Variants in MYO9A observed in about 807,000 individuals in gnomAD.
The protein encoded by MYO9A is unconventional myosin-IXa.
MYO9A carries 103 observed loss-of-function variants against 293.3 expected under a neutral mutation model. The ratio of observed to expected loss-of-function variants is 0.35; its 90% CI spans 0.30 to 0.41. MYO9A has a LOEUF of 0.41. Ranked by LOEUF, MYO9A falls within the 10% of genes least tolerant of loss-of-function variation. The pLI, the probability that MYO9A is intolerant of heterozygous loss-of-function variation, is 1.00. For synonymous variants in MYO9A, 1,001 were observed against 1,035.7 expected (o/e 0.97, Z 0.64); for missense variants, 2,685 against 3,033.0 (o/e 0.89, Z 2.69).
rs1023576002 is a variant in MYO9A at position 72,092,672 on chromosome 15, G to T, written c.-72+25008C>A. The stretch of plus-strand genomic sequence containing the variant: ...CCAATCAGCTCTGCTGTTGTAGCAT[G>T]AAAACAGCCACAGACAATACATAAA... On this transcript the variant is annotated intron_variant, in intron 1 of 41. Coordinates refer to ENST00000356056, the MANE Select transcript of MYO9A (RefSeq NM_006901.4). 4.6e-5 allele frequency among the ~76,000 whole-genome samples: 7 copies of T among 152,294 alleles called. No individual in the cohort carries two copies. The South Asian group carries it at 1.0e-3, about 23-fold the overall frequency.
Position 71,827,059 on chromosome 15 carries a change from G to T in MYO9A, c.7184-16C>A, listed in dbSNP as rs1376033293. 1 of 1,523,216 alleles carries T rather than the reference G, an allele frequency of 6.6e-7. No homozygotes were observed. Among genetic ancestry groups the T allele is most frequent in the South Asian group, 1.3e-5 (1 of 77,658 alleles). 94.4% of individuals were successfully genotyped at this position (1,523,216 alleles called of 1,614,324 possible). A position where few individuals can be genotyped will look rare whatever the true frequency, so the allele number is the denominator to read the frequency against. ...AAGCTTCTTTCTAATGCAAAAAAGA[G>T]ACCAAAGATGTAAATGACAGTGCCC... On this transcript the variant is annotated splice_polypyrimidine_tract_variant and intron_variant, in intron 41 of 41. Coordinates refer to ENST00000356056, the MANE Select transcript of MYO9A (RefSeq NM_006901.4).
At chr15:72,112,739 A>G (rs890674507) in intron 1 of MYO9A, among the ~76,000 whole-genome samples, 2 of 152,254 alleles carry the variant, frequency 1.3e-5, no homozygotes, top group South Asian at 4.1e-4. Flanking sequence ...CCTATATGTT[A>G]AAGGGTTTCC....
chr15:71,897,221 C>G, intron 25 of MYO9A: 1 of 484,274 alleles, frequency 2.1e-6, no homozygotes, highest in Non-Finnish European at 3.7e-6. Context: ...AAATGCTTCT[C>G]ACTTAATGGG....
chr15:71,828,030 T>C lies in MYO9A; in HGVS notation c.7041-4A>G. On this transcript the variant is annotated splice_polypyrimidine_tract_variant and splice_region_variant and intron_variant, in intron 40 of 41. Transcript: ENST00000356056. ...CATCTCAAATGTTAGCTCCTCCCTG[T>C]AAGACACAATCAAGAAACCATTAGC... The C allele has an allele frequency of 6.2e-7, 1 of 1,609,892 alleles. No homozygotes were observed. Among genetic ancestry groups the C allele is most frequent in the Non-Finnish European group, 8.5e-7 (1 of 1,178,650 alleles).
intron 1 of MYO9A, among the ~76,000 whole-genome samples, chr15:72,058,330 A>T (rs529940360): frequency 8.5e-5 from 13 of 152,290 alleles, no homozygotes; most frequent in African/African-American, 3.1e-4. Context: ...AAATCTTCAC[A>T]TTTTCCATCT....
In MYO9A at chr15:72,074,476, C is replaced by G. The variant is rs2079284855; in HGVS notation, c.-71-27842G>C. Among the ~76,000 whole-genome samples the G allele has an allele frequency of 2.0e-5, 3 of 152,122 alleles. No homozygotes were observed. The South Asian group carries it at 6.2e-4, about 31-fold the overall frequency. ...CAGAAAGGAAAAAGCCCTTTCTAGG[C>G]TAACAGACAAGTGACTACTTTCAAC... On this transcript the variant is annotated intron_variant, in intron 1 of 41. Transcript: ENST00000356056.
chr15:72,103,486 CGCAGA>C (rs2080457333), intron 1 of MYO9A, among the ~76,000 whole-genome samples: 1 of 133,304 alleles, frequency 7.5e-6, no homozygotes, highest in Non-Finnish European at 1.6e-5. Context: ...GCAGAAGCAG[CGCAGA>C]AGCAGAAGCA....
intron 9 of MYO9A, among the ~76,000 whole-genome samples, chr15:71,996,864 TATAATTCCCTC>T (rs1392825055): frequency 6.6e-6 from 1 of 152,022 alleles, no homozygotes; most frequent in African/African-American, 2.4e-5. Flanking sequence ...ACAAGTTCTA[TATAATTCCCTC>T]CTCATAAGTG....
At chr15:72,006,596 T>C (rs1238622865) in intron 8 of MYO9A, among the ~76,000 whole-genome samples, 1 of 152,212 alleles carries the variant, frequency 6.6e-6, no homozygotes, top group Non-Finnish European at 1.5e-5. Flanking sequence ...CTATTCTGTA[T>C]GATACTATAA....
intron 3 of MYO9A, among the ~76,000 whole-genome samples, chr15:72,028,426 T>C (rs1451858863): frequency 6.6e-6 from 1 of 151,064 alleles, no homozygotes; most frequent in Non-Finnish European, 1.5e-5. Flanking sequence ...GGAGGGTGGA[T>C]CACCTGAGGT....
At chr15:72,017,763 G>T (rs2077387395) in intron 6 of MYO9A, among the ~76,000 whole-genome samples, 2 of 152,138 alleles carry the variant, frequency 1.3e-5, no homozygotes, top group East Asian at 1.9e-4. Context: ...TTAAAGCAAG[G>T]ACTAAGAAAT....
rs2149614547 is a variant in MYO9A at position 72,042,461 on chromosome 15, C to T, written c.840+3263G>A. On this transcript the variant is annotated intron_variant, in intron 2 of 41. Transcript: ENST00000356056. ...ACTTGACAGAATGAATTTTGACATC[C>T]ATTCCTGAAAAAAAGCTCTAAACAA... 1.3e-5 allele frequency among the ~76,000 whole-genome samples: 2 copies of T among 151,956 alleles called. 1 individual carries two copies. The highest frequency in any genetic ancestry group is 4.2e-4 in the South Asian group (2 of 4,814).
intron 1 of MYO9A, among the ~76,000 whole-genome samples, chr15:72,105,635 G>T (rs2080541423): frequency 6.7e-6 from 1 of 149,550 alleles, no homozygotes; most frequent in African/African-American, 2.5e-5. Context: ...AGCCTCCCTA[G>T]TAGCTGGGAT....
intron 1 of MYO9A, among the ~76,000 whole-genome samples, chr15:72,051,853 G>C (rs2078574699): frequency 6.6e-6 from 1 of 152,158 alleles, no homozygotes; most frequent in Non-Finnish European, 1.5e-5. Context: ...GAGGAGGCAG[G>C]CAGGCTCCTG....
intron 39 of MYO9A, among the ~76,000 whole-genome samples, chr15:71,834,045 A>G (rs1042429293): frequency 2.6e-5 from 4 of 152,102 alleles, no homozygotes; most frequent in Non-Finnish European, 5.9e-5. Flanking sequence ...AATAAAGACA[A>G]TCAAAGCCAA....
chr15:71,934,288 C>A (rs2058564811), intron 17 of MYO9A, among the ~76,000 whole-genome samples: 1 of 151,998 alleles, frequency 6.6e-6, no homozygotes, highest in South Asian at 2.1e-4. Flanking sequence ...TTAGAAAGAC[C>A]TGGACAACAA....
At chr15:71,960,665 C>T (rs1461999912) in intron 13 of MYO9A, among the ~76,000 whole-genome samples, 1 of 152,168 alleles carries the variant, frequency 6.6e-6, no homozygotes, top group Non-Finnish European at 1.5e-5. Context: ...CGGGTATCTT[C>T]TATAAGGTCT....
At chr15:72,063,854 C>T (rs1042615488) in intron 1 of MYO9A, among the ~76,000 whole-genome samples, 19 of 152,130 alleles carry the variant, frequency 1.2e-4, no homozygotes, top group African/African-American at 4.6e-4. Context: ...TCTGCACTCC[C>T]GTGTTTACTG....
intron 19 of MYO9A, among the ~76,000 whole-genome samples, chr15:71,910,182 A>ATATATATATACGTGTGTAT (rs1567260909): frequency 6.9e-6 from 1 of 145,738 alleles, no homozygotes; most frequent in Admixed American, 6.9e-5. Flanking sequence ...ATATATATAT[A>ATATATATATACGTGTGTAT]AAATCAGAAA....
Sources: gnomAD v4.1 joint callset for allele counts (sites outside exome capture counted in the v4.1 genomes callset) on GRCh38, gnomAD v4.1.1 for gene constraint, MANE v1.5 for transcripts, NCBI Gene and HGNC (gene_info 2026-07-23, HGNC 2026-07-21) for gene names.